MICU1: variants seen among roughly 807,000 people sequenced by gnomAD.
MICU1 encodes the protein mitochondrial calcium uptake 1.
A neutral mutation model predicts 56.8 loss-of-function variants in MICU1; 45 were observed. The ratio of observed to expected loss-of-function variants is 0.79; its 90% CI spans 0.62 to 1.02. MICU1 has a LOEUF of 1.02. MICU1 is among the 50% of genes least tolerant of loss of function. The pLI, the probability that MICU1 is intolerant of heterozygous loss-of-function variation, is 0.00. For synonymous variants in MICU1, 186 were observed against 195.1 expected, an observed-to-expected ratio of 0.95 and a Z score of 0.39; for missense variants, 504 against 587.1, an observed-to-expected ratio of 0.86 and a Z score of 1.46.
chr10:72,410,767 T>TA (rs1863783043), intron 9 of MICU1, among the ~76,000 whole-genome samples: 3 of 152,228 alleles, frequency 2.0e-5, no homozygotes, highest in African/African-American at 7.2e-5. Flanking sequence ...GGCTTTGCCT[T>TA]AGAGCACCCA....
intron 10 of MICU1, among the ~76,000 whole-genome samples, chr10:72,376,624 A>C (rs1862531822): frequency 6.6e-6 from 1 of 152,216 alleles, no homozygotes; most frequent in Non-Finnish European, 1.5e-5. Flanking sequence ...TCTATGTAAC[A>C]GAGTGAGACA....
intron 1 of MICU1, 64 bp from the exon 2 acceptor site, chr10:72,566,858 T>G: frequency 1.5e-6 from 2 of 1,374,498 alleles, no homozygotes; most frequent in Non-Finnish European, 2.0e-6. Context: ...ATGATGATGA[T>G]CCTACCAACA....
chr10:72,455,166 A>G (rs921954922), intron 8 of MICU1, among the ~76,000 whole-genome samples: 5 of 152,136 alleles, frequency 3.3e-5, no homozygotes, highest in African/African-American at 1.2e-4. Flanking sequence ...CCTGGCCAAC[A>G]TGGCGAAACC....
At chr10:72,465,196 T>A (rs1198130410) in intron 8 of MICU1, among the ~76,000 whole-genome samples, 1 of 151,964 alleles carries the variant, frequency 6.6e-6, no homozygotes, top group Non-Finnish European at 1.5e-5. Context: ...AGAGACAGGG[T>A]TTTGCCATGT....
At chr10:72,469,717 GT>G (rs545912652) in intron 8 of MICU1, among the ~76,000 whole-genome samples, 41 of 152,258 alleles carry the variant, frequency 2.7e-4, no homozygotes, top group African/African-American at 9.9e-4. Flanking sequence ...TATTTTATTA[GT>G]TTGCTAAGGC....
At chr10:72,391,516 A>G (rs766672902) in intron 10 of MICU1, among the ~76,000 whole-genome samples, 5 of 152,180 alleles carry the variant, frequency 3.3e-5, no homozygotes, top group Non-Finnish European at 7.3e-5. Context: ...AAACTATTAC[A>G]AATTTAAAAA....
chr10:72,368,224 C>A lies in MICU1; in HGVS notation c.1402G>T (p.Ala468Ser), dbSNP rs1862210060. ...QAMWKCAQETAWDFALPKQ is the reference protein window; with the variant it reads ...QAMWKCAQETSWDFALPKQ ...TGTTTGGGTAAAGCGAAGTCCCAGG[C>A]AGTTTCCTGTGCACATTTCCACATG... is the stretch of plus-strand genomic sequence containing the variant. Residue 468 changes from alanine to serine, a missense_variant, in exon 12 of 12, where the codon GCC (alanine) becomes TCC (serine). Physicochemically the swap from Ala to Ser is moderately conservative, Grantham distance 99 (BLOSUM62 1). Coordinates refer to ENST00000361114, the MANE Select transcript of MICU1 (RefSeq NM_001195518.2). 1.9e-6 allele frequency: 3 copies of A among 1,613,628 alleles called. No homozygotes were observed. Among genetic ancestry groups the A allele is most frequent in the African/African-American group, 1.3e-5 (1 of 75,022 alleles).
chr10:72,558,550 G>A (rs1053941943), intron 3 of MICU1, among the ~76,000 whole-genome samples: 9 of 152,260 alleles, frequency 5.9e-5, no homozygotes, highest in East Asian at 1.9e-4. Flanking sequence ...GGAGGGTAAA[G>A]TTTTAGTAAG....
intron 1 of MICU1, among the ~76,000 whole-genome samples, chr10:72,581,396 A>G (rs1840894230): frequency 6.6e-6 from 1 of 152,178 alleles, no homozygotes; most frequent in African/African-American, 2.4e-5. Context: ...TTGAAAGACC[A>G]AGGCAGGCGA....
At chr10:72,507,874 T>TC (rs1159720572) in intron 6 of MICU1, among the ~76,000 whole-genome samples, 2 of 152,206 alleles carry the variant, frequency 1.3e-5, no homozygotes, top group East Asian at 3.9e-4. Context: ...CACCTTGATC[T>TC]CCCAAAGTTC....
intron 9 of MICU1, among the ~76,000 whole-genome samples, chr10:72,411,798 A>G (rs1863824145): frequency 6.6e-6 from 1 of 152,200 alleles, no homozygotes; most frequent in Non-Finnish European, 1.5e-5. Flanking sequence ...TAACACTCTG[A>G]AACATCAAAT....
chr10:72,531,317 C>A (rs1178174031), intron 5 of MICU1: 1 of 152,116 alleles, frequency 6.6e-6, no homozygotes, highest in Non-Finnish European at 1.5e-5. Context: ...ACTATAATAT[C>A]ATTACACACA....
At chr10:72,469,860 T>C (rs1865899006) in intron 8 of MICU1, among the ~76,000 whole-genome samples, 1 of 152,184 alleles carries the variant, frequency 6.6e-6, no homozygotes, top group Non-Finnish European at 1.5e-5. Flanking sequence ...GACTGCCTTC[T>C]GGCTGCCTCT....
At chr10:72,574,184 A>G (rs1005798133) in intron 1 of MICU1, among the ~76,000 whole-genome samples, 1 of 151,870 alleles carries the variant, frequency 6.6e-6, no homozygotes, top group African/African-American at 2.4e-5. Flanking sequence ...GCCAAGAAAC[A>G]TATCTGAGAT....
intron 8 of MICU1, among the ~76,000 whole-genome samples, chr10:72,458,879 A>ATTTTTTTTTTTTTTTTTTT (rs538552469): frequency 7.9e-6 from 1 of 126,306 alleles, no homozygotes; most frequent in Non-Finnish European, 1.7e-5. Context: ...CCCAGCTACC[A>ATTTTTTTTTTTTTTTTTTT]TTTTTTTTTT....
chr10:72,400,216 G>C lies in MICU1; in HGVS notation c.1180+7713C>G, dbSNP rs1863405617. On this transcript the variant is annotated intron_variant, in intron 10 of 11. Transcript: ENST00000361114. Reference sequence around the variant, plus strand: ...TGGAGACTACAAATCCCAGCAAAAGGCCTGAAGTCATTTGAAAGAAACATT... The same window carrying C: ...TGGAGACTACAAATCCCAGCAAAAGCCCTGAAGTCATTTGAAAGAAACATT... 2.0e-5 allele frequency among the ~76,000 whole-genome samples: 3 copies of C among 152,006 alleles called. No individual in the cohort carries two copies. The South Asian group carries it at 6.2e-4, about 32-fold the overall frequency.
intron 9 of MICU1, among the ~76,000 whole-genome samples, chr10:72,416,699 T>C (rs117988086): frequency 0.028 from 4,323 of 152,250 alleles, 88 homozygotes; most frequent in Middle Eastern, 0.048. Context: ...AGCTTCTGCT[T>C]GTCAAAATCC....
At chr10:72,518,751 C>T (rs535234585) in intron 5 of MICU1, among the ~76,000 whole-genome samples, 2 of 152,064 alleles carry the variant, frequency 1.3e-5, no homozygotes, top group African/African-American at 2.4e-5. Flanking sequence ...GGAATGATCT[C>T]GGCTCATGGC....
intron 5 of MICU1, among the ~76,000 whole-genome samples, chr10:72,518,982 G>A (rs748606618): frequency 5.9e-5 from 9 of 152,202 alleles, no homozygotes; most frequent in Non-Finnish European, 1.3e-4. Flanking sequence ...CTCCCAGCCA[G>A]AATTGGATAT....
Sources: allele counts gnomAD v4.1 joint callset (sites outside exome capture counted in the v4.1 genomes callset), GRCh38; gene constraint gnomAD v4.1.1; transcripts MANE v1.5; gene names NCBI Gene and HGNC (gene_info 2026-07-23, HGNC 2026-07-21).